RALGPS1: variants seen among roughly 807,000 people sequenced by gnomAD.
The protein encoded by RALGPS1 is ras-specific guanine nucleotide-releasing factor RalGPS1.
RALGPS1 carries 19 observed loss-of-function variants against 78.8 expected under a neutral mutation model. That is an observed-to-expected ratio of 0.24 (90% CI 0.17 to 0.35). The LOEUF is 0.35. RALGPS1 is among the 10% of genes least tolerant of loss of function. RALGPS1 has a pLI of 1.00. For missense variants in RALGPS1, 454 were observed against 688.3 expected (o/e 0.66, Z 3.81); for synonymous variants, 228 against 256.3 (o/e 0.89, Z 1.06).
At chr9:127,118,116 G>A (rs993850453) in intron 8 of RALGPS1, among the ~76,000 whole-genome samples, 1 of 152,070 alleles carries the variant, frequency 6.6e-6, no homozygotes, top group African/African-American at 2.4e-5. Flanking sequence ...GTGCAGTGGC[G>A]CGATCTCAGC....
chr9:126,962,406 GC>G, intron 2 of RALGPS1, 60 bp downstream of exon 2: 1 of 1,561,862 alleles, frequency 6.4e-7, no homozygotes, highest in Non-Finnish European at 8.8e-7. Flanking sequence ...GCTAACCCAG[GC>G]CCCAGCTGAG....
chr9:127,116,240 T>C (rs1183469766), intron 8 of RALGPS1, among the ~76,000 whole-genome samples: 3 of 152,078 alleles, frequency 2.0e-5, no homozygotes, highest in African/African-American at 7.2e-5. Flanking sequence ...GCTCTTGTGC[T>C]CCTGCCATTG....
At chr9:127,142,447 G>A (rs2057844251) in intron 8 of RALGPS1, among the ~76,000 whole-genome samples, 1 of 152,204 alleles carries the variant, frequency 6.6e-6, no homozygotes, top group Non-Finnish European at 1.5e-5. Context: ...GGACTCTGGA[G>A]GCAGTTGGAG....
At chr9:127,102,974 A>G (rs1010164757) in intron 8 of RALGPS1, among the ~76,000 whole-genome samples, 7 of 152,202 alleles carry the variant, frequency 4.6e-5, no homozygotes, top group Non-Finnish European at 1.0e-4. Context: ...AGGCTGACTC[A>G]GGATGGGCAG....
chr9:126,935,600 T>C (rs1394603407), intron 1 of RALGPS1, among the ~76,000 whole-genome samples: 1 of 152,050 alleles, frequency 6.6e-6, no homozygotes, highest in Non-Finnish European at 1.5e-5. Context: ...TCTTCTTTGA[T>C]ATTGCATGAT....
In RALGPS1 at chr9:127,122,598, GGGGTCCATCCTCA is replaced by G. The variant is rs1358961646; in HGVS notation, c.611-43468_611-43456del. ...GCCACGCTCGGCAGGTCCAGGGCTT[GGGGTCCATCCTCA>G]GGCCGTCCGCAGCAGCCTCATTTGA... On this transcript the variant is annotated intron_variant, in intron 8 of 18. Coordinates refer to ENST00000259351, the MANE Select transcript of RALGPS1 (RefSeq NM_014636.3). The surrounding 1 kb of genome is among the most constrained non-coding windows in gnomAD (Gnocchi z 6.4). 3.3e-5 allele frequency: 5 copies of G among 153,086 alleles called. No homozygotes were observed. In the East Asian group the frequency reaches 7.7e-4, roughly 24 times the overall value. The allele number at this position is 153,086 out of a possible 1,614,324, so 9.5% of individuals were successfully genotyped here. A position where few individuals can be genotyped will look rare whatever the true frequency, so the allele number is the denominator to read the frequency against.
chr9:127,083,317 C>CT (rs1306350576), intron 8 of RALGPS1, among the ~76,000 whole-genome samples: 5 of 152,218 alleles, frequency 3.3e-5, no homozygotes, highest in Non-Finnish European at 7.3e-5. Context: ...GTTGGATCCT[C>CT]TATCTGGGAG....
At chr9:126,951,478 G>A (rs992811109) in intron 1 of RALGPS1, among the ~76,000 whole-genome samples, 1 of 151,690 alleles carries the variant, frequency 6.6e-6, no homozygotes, top group African/African-American at 2.4e-5. Flanking sequence ...CCGTGATCAA[G>A]TGGGCTTCAT....
chr9:126,993,475 A>G (rs190899271), intron 4 of RALGPS1, among the ~76,000 whole-genome samples: 5 of 150,948 alleles, frequency 3.3e-5, no homozygotes, highest in Admixed American at 3.3e-4. Context: ...TTTCTTAAAT[A>G]TTTGGTAGAT....
chr9:127,158,812 T>C (rs2139355110), intron 8 of RALGPS1, among the ~76,000 whole-genome samples: 1 of 152,290 alleles, frequency 6.6e-6, no homozygotes, highest in Non-Finnish European at 1.5e-5. Context: ...ATAATTTTGA[T>C]ATTTTAATTT....
At chr9:126,947,217 A>T (rs1179758738) in intron 1 of RALGPS1, among the ~76,000 whole-genome samples, 1 of 152,170 alleles carries the variant, frequency 6.6e-6, no homozygotes, top group East Asian at 1.9e-4. Flanking sequence ...TCATTTCTTG[A>T]ATCCACGCTA....
chr9:127,084,581 G>A (rs920332359), intron 8 of RALGPS1, among the ~76,000 whole-genome samples: 1 of 152,202 alleles, frequency 6.6e-6, no homozygotes, highest in African/African-American at 2.4e-5. Flanking sequence ...GCTGTCCCAT[G>A]CCAGGCTGTG....
At chr9:127,108,522 G>A (rs376334260) in intron 8 of RALGPS1, 20 of 1,612,910 alleles carry the variant, frequency 1.2e-5, no homozygotes, top group African/African-American at 5.4e-5. Context: ...TGGAGTTGAC[G>A]CAGATGGCAC....
intron 14 of RALGPS1, among the ~76,000 whole-genome samples, chr9:127,206,905 A>G (rs1380356285): frequency 2.6e-5 from 4 of 152,048 alleles, no homozygotes; most frequent in Admixed American, 6.5e-5. Context: ...TTCCACCTCA[A>G]TAGCACCACC....
chr9:127,006,189 C>A (rs1419593488), intron 4 of RALGPS1, among the ~76,000 whole-genome samples: 1 of 152,214 alleles, frequency 6.6e-6, no homozygotes, highest in Non-Finnish European at 1.5e-5. Flanking sequence ...CTACTGTCTG[C>A]TTTTGCAGGT....
rs911791538 is a variant in RALGPS1, at chr9:127,217,129, C to G, written c.1645-1611C>G. 26 of 1,333,398 alleles carry G rather than the reference C, an allele frequency of 1.9e-5. No individual in the cohort carries two copies. The South Asian group carries it at 5.2e-4, about 27-fold the overall frequency. The allele number at this position is 1,333,398 out of a possible 1,614,324, so 82.6% of individuals were successfully genotyped here. A position where few individuals can be genotyped will look rare whatever the true frequency, so the allele number is the denominator to read the frequency against. ...CAGCAGGCAGCAGTGCCTGGGCAGG[C>G]TGATCCAGCAGAGCACTAATGGGTC... On this transcript the variant is annotated intron_variant, in intron 18 of 18. Coordinates refer to ENST00000259351, the MANE Select transcript of RALGPS1 (RefSeq NM_014636.3).
intron 4 of RALGPS1, among the ~76,000 whole-genome samples, chr9:126,991,385 AT>A (rs906851822): frequency 3.3e-4 from 49 of 149,606 alleles, no homozygotes; most frequent in African/African-American, 4.9e-4. Flanking sequence ...TTCGAGACTC[AT>A]TTTTTTTTTC....
intron 8 of RALGPS1, among the ~76,000 whole-genome samples, chr9:127,115,387 G>A (rs1056203317): frequency 2.0e-5 from 3 of 152,048 alleles, no homozygotes; most frequent in Non-Finnish European, 4.4e-5. Flanking sequence ...ACAGGGTTTC[G>A]CCATGCTGGT....
At chr9:126,999,373 G>C (rs1399694741) in intron 4 of RALGPS1, among the ~76,000 whole-genome samples, 1 of 152,092 alleles carries the variant, frequency 6.6e-6, no homozygotes, top group African/African-American at 2.4e-5. Flanking sequence ...TTAATTCGTG[G>C]TGTTGTGCAT....
Sources: allele counts gnomAD v4.1 joint callset (sites outside exome capture counted in the v4.1 genomes callset), GRCh38; gene constraint gnomAD v4.1.1; non-coding constraint Gnocchi (gnomAD v3.1); transcripts MANE v1.5; gene names NCBI Gene and HGNC (gene_info 2026-07-23, HGNC 2026-07-21).